The following NKAIN3 variants were observed in gnomAD, a reference collection of about 807,000 sequenced individuals.
NKAIN3 encodes the protein sodium/potassium transporting ATPase interacting 3, also known as sodium/potassium-transporting ATPase subunit beta-1-interacting protein 3.
A neutral mutation model predicts 30.2 loss-of-function variants in NKAIN3; 25 were observed. The observed-to-expected ratio is 0.83, with a 90% confidence interval of 0.60 to 1.16. The LOEUF (loss-of-function observed/expected upper bound fraction) is 1.16. Ranked by LOEUF, NKAIN3 falls within the 50% of genes most tolerant of loss-of-function variation. NKAIN3 has a pLI of 0.00. For missense variants in NKAIN3, 225 were observed against 254.1 expected, an observed-to-expected ratio of 0.89 and a Z score of 0.78; for synonymous variants, 91 against 89.6, an observed-to-expected ratio of 1.02 and a Z score of -0.09.
At chr8:62,653,356 C>A (rs1812681079) in intron 3 of NKAIN3, among the ~76,000 whole-genome samples, 1 of 152,044 alleles carries the variant, frequency 6.6e-6, no homozygotes, top group Non-Finnish European at 1.5e-5. Context: ...ATCATGAAGC[C>A]CCTACTGTCA....
At chr8:62,504,384 C>G (rs778778498) in intron 1 of NKAIN3, among the ~76,000 whole-genome samples, 55 of 152,166 alleles carry the variant, frequency 3.6e-4, no homozygotes, top group Admixed American at 5.9e-4. Context: ...GAGATATTCT[C>G]TATACTACAT....
Position 62,840,327 on chromosome 8 carries a change from A to G in NKAIN3, c.472-78126A>G, listed in dbSNP as rs1563587542. 2.0e-5 allele frequency among the ~76,000 whole-genome samples: 3 copies of G among 151,886 alleles called. No homozygotes were observed. The South Asian group carries it at 6.3e-4, about 32-fold the overall frequency. ...TCAACATAGTCTGCTCAGTTCCACTATAGACATATCCATCAAGCTTTCTAA... is the reference window on the plus strand; with the variant it reads ...TCAACATAGTCTGCTCAGTTCCACTGTAGACATATCCATCAAGCTTTCTAA... On this transcript the variant is annotated intron_variant, in intron 4 of 6. Transcript: ENST00000623646.
At chr8:62,352,010 T>C (rs1474736552) in intron 1 of NKAIN3, among the ~76,000 whole-genome samples, 1 of 152,150 alleles carries the variant, frequency 6.6e-6, no homozygotes, top group Non-Finnish European at 1.5e-5. Flanking sequence ...TGGATGAAGC[T>C]CGTGGGCTGG....
At chr8:62,462,464 ATTAAT>A (rs1276324437) in intron 1 of NKAIN3, among the ~76,000 whole-genome samples, 1 of 152,192 alleles carries the variant, frequency 6.6e-6, no homozygotes, top group Non-Finnish European at 1.5e-5. Context: ...AACTTTTTAC[ATTAAT>A]TTAAATGCTT....
At chr8:62,657,797 G>A (rs1478999291) in intron 3 of NKAIN3, among the ~76,000 whole-genome samples, 2 of 152,134 alleles carry the variant, frequency 1.3e-5, no homozygotes, top group Non-Finnish European at 1.5e-5. Flanking sequence ...AGTCTATTCT[G>A]GTTTTTGCTC....
intron 4 of NKAIN3, among the ~76,000 whole-genome samples, chr8:62,913,152 ATTT>A (rs5891881): frequency 0.68 from 103,008 of 151,400 alleles, 35,880 homozygotes; most frequent in East Asian, 0.9. Flanking sequence ...TGCATTGAAC[ATTT>A]TTTTTTTTTA....
At chr8:62,425,610 T>C (rs1030004870) in intron 1 of NKAIN3, among the ~76,000 whole-genome samples, 2 of 151,950 alleles carry the variant, frequency 1.3e-5, no homozygotes, top group Non-Finnish European at 2.9e-5. Context: ...TAAAGGAATG[T>C]ATTCTATTTT....
At chr8:62,733,032 A>G (rs1330704454) in intron 3 of NKAIN3, among the ~76,000 whole-genome samples, 1 of 152,066 alleles carries the variant, frequency 6.6e-6, no homozygotes, top group Non-Finnish European at 1.5e-5. Context: ...CACTATCATT[A>G]TATTTTAAAT....
intron 1 of NKAIN3, among the ~76,000 whole-genome samples, chr8:62,345,481 A>G (rs1375495291): frequency 7.4e-5 from 4 of 53,850 alleles, no homozygotes; most frequent in East Asian, 1.1e-3. Context: ...ATACACATAT[A>G]TGTATATATA....
At chr8:62,280,804 G>A (rs943064365) in intron 1 of NKAIN3, among the ~76,000 whole-genome samples, 11 of 152,074 alleles carry the variant, frequency 7.2e-5, no homozygotes, top group East Asian at 3.9e-4. Context: ...TTTTTGCATC[G>A]ATGTTCATCA....
intron 4 of NKAIN3, among the ~76,000 whole-genome samples, chr8:62,783,411 T>C (rs1324590807): frequency 6.6e-6 from 1 of 152,064 alleles, no homozygotes; most frequent in Non-Finnish European, 1.5e-5. Flanking sequence ...CTTTCCAGAC[T>C]CCAGAGCTGT....
chr8:62,504,774 T>C (rs2079799281), intron 1 of NKAIN3, among the ~76,000 whole-genome samples: 1 of 152,160 alleles, frequency 6.6e-6, no homozygotes, highest in Non-Finnish European at 1.5e-5. Flanking sequence ...CCTTTAGCTG[T>C]CAATCTCCCT....
At chr8:62,838,204 T>C (rs1819428449) in intron 4 of NKAIN3, among the ~76,000 whole-genome samples, 1 of 151,574 alleles carries the variant, frequency 6.6e-6, no homozygotes, top group African/African-American at 2.4e-5. Flanking sequence ...CAGCTTCCTA[T>C]GATAGGATTC....
chr8:62,798,718 T>A lies in NKAIN3; in HGVS notation c.471+51589T>A, dbSNP rs181319104. Among the ~76,000 whole-genome samples, 325 of 152,354 alleles carry A rather than the reference T, an allele frequency of 2.1e-3. 4 individuals are homozygous for A. Among genetic ancestry groups the A allele is most frequent in the Non-Finnish European group, 3.8e-3 (256 of 68,034 alleles). On this transcript the variant is annotated intron_variant, in intron 4 of 6. Coordinates refer to ENST00000623646, the MANE Select transcript of NKAIN3 (RefSeq NM_001304533.3). ...AGACTTCTGGCTTGCAGAACTGAGA[T>A]AATAAATTGTTGTTGTTTAAGCCAA...
intron 1 of NKAIN3, among the ~76,000 whole-genome samples, chr8:62,499,128 A>G (rs535406194): frequency 2.8e-4 from 43 of 152,300 alleles, no homozygotes; most frequent in African/African-American, 1.0e-3. Flanking sequence ...ATTGGTCTAC[A>G]CATAACTCAG....
Position 62,975,752 on chromosome 8 carries a change from C to T in NKAIN3, c.*10345C>T, listed in dbSNP as rs1823927487. Among the ~76,000 whole-genome samples, 1 of 151,560 alleles carries T rather than the reference C, an allele frequency of 6.6e-6. No individual in the cohort carries two copies. Among genetic ancestry groups the T allele is most frequent in the Non-Finnish European group, 1.5e-5 (1 of 67,712 alleles). ...TTAATTCTTTTAATTGTGATGTTAGCGTGTTGATTGTAGATGTTTAGATTT... is the reference window on the plus strand; with the variant it reads ...TTAATTCTTTTAATTGTGATGTTAGTGTGTTGATTGTAGATGTTTAGATTT... On this transcript the variant is annotated 3_prime_UTR_variant, in exon 7 of 7. Coordinates refer to ENST00000623646, the MANE Select transcript of NKAIN3 (RefSeq NM_001304533.3).
intron 1 of NKAIN3, among the ~76,000 whole-genome samples, chr8:62,575,790 G>C (rs1276399400): frequency 1.3e-5 from 2 of 152,040 alleles, no homozygotes; most frequent in Non-Finnish European, 2.9e-5. Context: ...GAACAGCATA[G>C]AGAATCCAGA....
chr8:62,805,733 T>C (rs1239246811), intron 4 of NKAIN3, among the ~76,000 whole-genome samples: 3 of 152,190 alleles, frequency 2.0e-5, no homozygotes, highest in Non-Finnish European at 4.4e-5. Flanking sequence ...ATTCAGGACA[T>C]AGGCCTGGGC....
At chr8:62,742,443 A>G (rs570646634) in intron 3 of NKAIN3, among the ~76,000 whole-genome samples, 3 of 152,308 alleles carry the variant, frequency 2.0e-5, no homozygotes, top group Admixed American at 6.5e-5. Flanking sequence ...TAGGAAAAAG[A>G]CAGAGAGATC....
Sources: gnomAD v4.1 joint callset for allele counts (sites outside exome capture counted in the v4.1 genomes callset) on GRCh38, gnomAD v4.1.1 for gene constraint, MANE v1.5 for transcripts, NCBI Gene and HGNC (gene_info 2026-07-23, HGNC 2026-07-21) for gene names.